The following ARRB1 variants were observed in gnomAD, a reference collection of about 807,000 sequenced individuals.
ARRB1 encodes the protein arrestin beta 1.
In ARRB1, 21 loss-of-function variants were observed where a neutral mutation model predicts 56.8. The ratio of observed to expected loss-of-function variants is 0.37; its 90% CI spans 0.26 to 0.53. The LOEUF is 0.53. ARRB1 is among the 20% of genes least tolerant of loss of function. The pLI, the probability that ARRB1 is intolerant of heterozygous loss-of-function variation, is 0.88. For synonymous variants in ARRB1, 210 were observed against 218.6 expected, an observed-to-expected ratio of 0.96 and a Z score of 0.35; for missense variants, 424 against 553.7, an observed-to-expected ratio of 0.77 and a Z score of 2.35.
At chr11:75,331,016 G>A (rs1591982324) in intron 1 of ARRB1, among the ~76,000 whole-genome samples, 1 of 152,220 alleles carries the variant, frequency 6.6e-6, no homozygotes, top group Admixed American at 6.5e-5. Flanking sequence ...CAGATGTTGA[G>A]GACTAAAATC....
At chr11:75,342,227 C>G (rs1263996860) in intron 1 of ARRB1, among the ~76,000 whole-genome samples, 1 of 152,182 alleles carries the variant, frequency 6.6e-6, no homozygotes, top group East Asian at 1.9e-4. Flanking sequence ...CTCTTTCTCA[C>G]CTTCCCTCTG....
chr11:75,320,207 G>T (rs1381786816), intron 1 of ARRB1, among the ~76,000 whole-genome samples: 1 of 152,158 alleles, frequency 6.6e-6, no homozygotes, highest in South Asian at 2.1e-4. Context: ...GTGCACCCTG[G>T]GAAGCCACAG....
intron 1 of ARRB1, among the ~76,000 whole-genome samples, chr11:75,349,124 C>T (rs1194190401): frequency 2.6e-5 from 4 of 152,194 alleles, no homozygotes; most frequent in African/African-American, 9.7e-5. Flanking sequence ...TGATTTTGCC[C>T]TTCTTTTCCA....
intron 1 of ARRB1, among the ~76,000 whole-genome samples, chr11:75,335,443 G>A (rs1328946718): frequency 6.6e-6 from 1 of 152,130 alleles, no homozygotes; most frequent in Non-Finnish European, 1.5e-5. Context: ...AAATTAGCCT[G>A]GGATGGTGGC....
chr11:75,269,242 G>C (rs1374229617), intron 13 of ARRB1: 1 of 660,028 alleles, frequency 1.5e-6, no homozygotes. Flanking sequence ...GGTGGGAAAG[G>C]ATTGCCCGGG....
Position 75,276,910 on chromosome 11 carries a change from C to T in ARRB1, c.705G>A (p.Val235=), listed in dbSNP as rs756214251. The change falls in exon 10 of 16, where the codon GTG becomes GTA. Residue 235 remains valine, a splice_region_variant and synonymous_variant. Transcript: ENST00000420843. ...NKTVKKIKIS[V]RQYADICLFN... is the part of the protein sequence containing the mutation. ...AAAGGCAGATGTCTGCATACTGGCGCACTAGGGAGGGAGAGGAATCAAGGT... is the reference window on the plus strand; with the variant it reads ...AAAGGCAGATGTCTGCATACTGGCGTACTAGGGAGGGAGAGGAATCAAGGT... 5 of 1,614,166 alleles carry T rather than the reference C, an allele frequency of 3.1e-6. 1 individual carries two copies. The South Asian group carries it at 5.5e-5, about 18-fold the overall frequency.
intron 1 of ARRB1, among the ~76,000 whole-genome samples, chr11:75,346,372 T>C (rs1032709701): frequency 1.3e-5 from 2 of 152,124 alleles, no homozygotes; most frequent in Admixed American, 1.3e-4. Context: ...AGTGGTCTTC[T>C]GCCTCTGGAC....
intron 1 of ARRB1, among the ~76,000 whole-genome samples, chr11:75,294,558 AAAATAAATAAATAAATAAATAAAT>A (rs201799600): frequency 1.4e-4 from 19 of 133,186 alleles, no homozygotes; most frequent in South Asian, 5.0e-4. Context: ...CTCCGTCTCA[AAAATAAATAAATAAATAAATAAAT>A]AAATAAATAA....
Position 75,283,392 on chromosome 11 carries a change from G to A in ARRB1, c.249C>T (p.Asn83=), listed in dbSNP as rs143498421. Residue 83 remains asparagine, a synonymous_variant, in exon 5 of 16, where the codon AAC becomes AAT. Transcript: ENST00000420843. ...CGGGGGCCGGTGGGAACGACTGTAC[G>A]TTGGCCACAAACAGGTCCTTGCGAA... ...LTFRKDLFVA[N]VQSFPPAPED... The A allele has an allele frequency of 7.4e-6, 12 of 1,614,032 alleles. No homozygotes were observed. Among genetic ancestry groups the A allele is most frequent in the Admixed American group, 5.0e-5 (3 of 59,998 alleles).
chr11:75,284,771 C>T lies in ARRB1; in HGVS notation c.113-492G>A, dbSNP rs111880216. ...ATACAAAAATAGCTGGGCATGGTGGCGGGCCCCTGTAGTTCCAGCTACTCG... is the reference window on the plus strand; with the variant it reads ...ATACAAAAATAGCTGGGCATGGTGGTGGGCCCCTGTAGTTCCAGCTACTCG... On this transcript the variant is annotated intron_variant, in intron 3 of 15. Transcript: ENST00000420843. Among the ~76,000 whole-genome samples, 170 of 152,124 alleles carry T rather than the reference C, an allele frequency of 1.1e-3. 1 individual carries two copies. Among genetic ancestry groups the T allele is most frequent in the African/African-American group, 3.9e-3 (161 of 41,502 alleles).
At chr11:75,349,762 C>A (rs1947819505) in intron 1 of ARRB1, among the ~76,000 whole-genome samples, 1 of 152,266 alleles carries the variant, frequency 6.6e-6, no homozygotes, top group African/African-American at 2.4e-5. Context: ...GCCTAGGTCA[C>A]AGTGCTGGCC....
intron 10 of ARRB1, among the ~76,000 whole-genome samples, 155 bp downstream of exon 10, chr11:75,276,684 C>T (rs561794180): frequency 6.6e-6 from 1 of 152,320 alleles, no homozygotes; most frequent in East Asian, 1.9e-4. Context: ...TTCTAAAAGG[C>T]TCTTCGGGAT....
intron 15 of ARRB1, among the ~76,000 whole-genome samples, chr11:75,266,548 GAGGGCT>G (rs1366668141): frequency 2.0e-5 from 3 of 152,220 alleles, no homozygotes; most frequent in Non-Finnish European, 4.4e-5. Flanking sequence ...TCTTGTGCCT[GAGGGCT>G]AGAAAAGTAA....
chr11:75,301,372 A>G (rs1167726605), intron 1 of ARRB1, among the ~76,000 whole-genome samples: 1 of 152,210 alleles, frequency 6.6e-6, no homozygotes, highest in African/African-American at 2.4e-5. Flanking sequence ...TTTGCTCCAC[A>G]GAGAATCACG....
rs977918756 is a variant in ARRB1 at position 75,265,036 on chromosome 11, C to A, written c.*1127G>T. On this transcript the variant is annotated 3_prime_UTR_variant, in exon 16 of 16. Transcript: ENST00000420843. ...TGCTACCCAGCAGCCTCCTTCCCTT[C>A]GGGTGAGGATATCTCAGTGGATGCT... The A allele has an allele frequency of 1.3e-5, 2 of 152,224 alleles. No homozygotes were observed. Among genetic ancestry groups the A allele is most frequent in the Non-Finnish European group, 2.9e-5 (2 of 68,060 alleles). The allele number at this position is 152,224 out of a possible 1,614,324, so 9.4% of individuals were successfully genotyped here. A position where few individuals can be genotyped will look rare whatever the true frequency, so the allele number is the denominator to read the frequency against.
chr11:75,321,540 C>G (rs1947350073), intron 1 of ARRB1, among the ~76,000 whole-genome samples: 1 of 152,172 alleles, frequency 6.6e-6, no homozygotes, highest in Non-Finnish European at 1.5e-5. Context: ...CAGCCCTCAT[C>G]TGAGTTACTT....
At chr11:75,341,083 G>A (rs539867388) in intron 1 of ARRB1, among the ~76,000 whole-genome samples, 1 of 151,912 alleles carries the variant, frequency 6.6e-6, no homozygotes, top group African/African-American at 2.4e-5. Flanking sequence ...AGGAGGAAGG[G>A]GACATGGGAG....
chr11:75,301,413 G>A (rs144406000), intron 1 of ARRB1, among the ~76,000 whole-genome samples: 1 of 152,340 alleles, frequency 6.6e-6, no homozygotes, highest in East Asian at 1.9e-4. Context: ...CTTCGGCTAG[G>A]AGGGTAGGGC....
intron 1 of ARRB1, among the ~76,000 whole-genome samples, chr11:75,326,043 A>C (rs551983862): frequency 7.2e-5 from 11 of 152,294 alleles, no homozygotes; most frequent in African/African-American, 2.6e-4. Flanking sequence ...AGGTCCCCTC[A>C]AACCTAGGGC....
Sources: gnomAD v4.1 joint callset for allele counts (sites outside exome capture counted in the v4.1 genomes callset) on GRCh38, gnomAD v4.1.1 for gene constraint, MANE v1.5 for transcripts, NCBI Gene and HGNC (gene_info 2026-07-23, HGNC 2026-07-21) for gene names.